The following VAV2 variants were observed in gnomAD, a reference collection of about 807,000 sequenced individuals.
VAV2 encodes vav guanine nucleotide exchange factor 2, also known as guanine nucleotide exchange factor VAV2.
Under a neutral mutation model 132.5 loss-of-function variants are expected in VAV2, and 67 were observed. The ratio of observed to expected loss-of-function variants is 0.51; its 90% CI spans 0.42 to 0.62. The LOEUF (loss-of-function observed/expected upper bound fraction) is 0.62, where lower values mean the gene tolerates loss of function less well. Ranked by LOEUF, VAV2 falls within the 20% of genes least tolerant of loss-of-function variation. VAV2 has a pLI of 0.00. For missense variants in VAV2, 938 were observed against 1,153.6 expected, an observed-to-expected ratio of 0.81 and a Z score of 2.71; for synonymous variants, 492 against 443.5, an observed-to-expected ratio of 1.11 and a Z score of -1.37.
chr9:133,871,520 G>C (rs953209287), intron 2 of VAV2, among the ~76,000 whole-genome samples: 1 of 151,838 alleles, frequency 6.6e-6, no homozygotes, highest in Non-Finnish European at 1.5e-5. Context: ...ATGGATGGTG[G>C]GTAGATGGAT....
At chr9:133,887,219 T>C (rs1465733753) in intron 2 of VAV2, among the ~76,000 whole-genome samples, 1 of 152,074 alleles carries the variant, frequency 6.6e-6, no homozygotes, top group Non-Finnish European at 1.5e-5. Flanking sequence ...GGACTCCCCA[T>C]GGAAACTAAT....
chr9:133,861,515 G>A lies in VAV2; in HGVS notation c.322-83C>T, dbSNP rs558512218. ...CAGAACTGGGGACGCTGCTTTGCAG[G>A]ACGTCGAGAACTGTTAACTGAGCAC... On this transcript the variant is annotated intron_variant, in intron 2 of 29. Transcript: ENST00000371850. 11 of 1,504,818 alleles carry A rather than the reference G, an allele frequency of 7.3e-6. No individual in the cohort carries two copies. In the African/African-American group the frequency reaches 1.5e-4, roughly 21 times the overall value. The allele number at this position is 1,504,818 out of a possible 1,614,324, so 93.2% of individuals were successfully genotyped here.
At chr9:133,897,559 C>T (rs1041010566) in intron 2 of VAV2, among the ~76,000 whole-genome samples, 1 of 152,164 alleles carries the variant, frequency 6.6e-6, no homozygotes, top group Non-Finnish European at 1.5e-5. Flanking sequence ...CTGAGCCCAG[C>T]TTCATCCATG....
At chr9:133,792,414 G>A (rs1834524033) in intron 12 of VAV2, among the ~76,000 whole-genome samples, 1 of 150,878 alleles carries the variant, frequency 6.6e-6, no homozygotes, top group Non-Finnish European at 1.5e-5. Context: ...ATGAGTGATT[G>A]TGTGAGAACA....
intron 1 of VAV2, among the ~76,000 whole-genome samples, chr9:133,972,964 G>C (rs2132263112): frequency 6.6e-6 from 1 of 152,302 alleles, no homozygotes; most frequent in African/African-American, 2.4e-5. Flanking sequence ...CCACTTTGAA[G>C]ATGCTAAGGG....
Position 133,788,583 on chromosome 9 carries a change from C to A in VAV2, c.1275-97G>T. The A allele has an allele frequency of 6.6e-7, 1 of 1,520,932 alleles. No homozygotes were observed. The highest frequency in any genetic ancestry group is 8.9e-7 in the Non-Finnish European group (1 of 1,123,870). The allele number at this position is 1,520,932 out of a possible 1,614,324, so 94.2% of individuals were successfully genotyped here. A position where few individuals can be genotyped will look rare whatever the true frequency, so the allele number is the denominator to read the frequency against. ...CTGAGCCTGAGGCTCTGGCACGCGGCTCCCTCTCCGGGCGAGCCCTGCCCT... is the reference window on the plus strand; with the variant it reads ...CTGAGCCTGAGGCTCTGGCACGCGGATCCCTCTCCGGGCGAGCCCTGCCCT... On this transcript the variant is annotated intron_variant, in intron 14 of 29. Coordinates refer to ENST00000371850, the MANE Select transcript of VAV2 (RefSeq NM_001134398.2). The surrounding 1 kb of genome is among the most constrained non-coding windows in gnomAD (Gnocchi z 5.3).
In VAV2 at chr9:133,991,091, C is replaced by A. The variant is rs897512486; in HGVS notation, c.204+984G>T. ...GTCCCACTGGTGAATGGTCCCTCTC[C>A]ACATGGAGTTGCCACTGCGCGCGGT... On this transcript the variant is annotated intron_variant, in intron 1 of 29. Coordinates refer to ENST00000371850, the MANE Select transcript of VAV2 (RefSeq NM_001134398.2). The surrounding 1 kb of genome is among the most constrained non-coding windows in gnomAD (Gnocchi z 4.8). 6.6e-6 allele frequency among the ~76,000 whole-genome samples: 1 copy of A among 152,200 alleles called. No homozygotes were observed. Among genetic ancestry groups the A allele is most frequent in the Non-Finnish European group, 1.5e-5 (1 of 68,028 alleles).
chr9:133,975,476 C>T (rs1375694977), intron 1 of VAV2, among the ~76,000 whole-genome samples: 1 of 152,238 alleles, frequency 6.6e-6, no homozygotes, highest in African/African-American at 2.4e-5. Flanking sequence ...CTGTCACTCA[C>T]ACAAACCCCT....
chr9:133,911,008 G>T (rs897062209), intron 2 of VAV2, among the ~76,000 whole-genome samples: 1 of 152,064 alleles, frequency 6.6e-6, no homozygotes, highest in Non-Finnish European at 1.5e-5. Context: ...TGAAGCTACA[G>T]CTGGGAGCGC....
chr9:133,924,333 T>C (rs909193829), intron 2 of VAV2, among the ~76,000 whole-genome samples: 2 of 152,092 alleles, frequency 1.3e-5, no homozygotes, highest in Admixed American at 6.6e-5. Context: ...ACTACAGTTA[T>C]GCACCACCAC....
At chr9:133,890,108 G>C (rs1838871555) in intron 2 of VAV2, among the ~76,000 whole-genome samples, 4 of 152,208 alleles carry the variant, frequency 2.6e-5, no homozygotes, top group African/African-American at 9.7e-5. Context: ...AGGTCCCCAG[G>C]CAGGAGTGGC....
chr9:133,783,283 G>A (rs1289800101), intron 19 of VAV2, among the ~76,000 whole-genome samples: 2 of 152,182 alleles, frequency 1.3e-5, no homozygotes, highest in Non-Finnish European at 2.9e-5. Context: ...CCCATTAGGA[G>A]AGAGGGCTTG....
In VAV2 at chr9:133,906,825, C is replaced by T. The variant is rs138136836; in HGVS notation, c.321+32278G>A. Among the ~76,000 whole-genome samples, 275 of 151,822 alleles carry T rather than the reference C, an allele frequency of 1.8e-3. 1 individual carries two copies. Among genetic ancestry groups the T allele is most frequent in the African/African-American group, 6.0e-3 (248 of 41,370 alleles). On this transcript the variant is annotated intron_variant, in intron 2 of 29. Coordinates refer to ENST00000371850, the MANE Select transcript of VAV2 (RefSeq NM_001134398.2). ...CTGGGTCCTCAGCCCTCCCTTCTGACGTGCGGAGACCCATGGCTCTACACC... is the reference window on the plus strand; with the variant it reads ...CTGGGTCCTCAGCCCTCCCTTCTGATGTGCGGAGACCCATGGCTCTACACC...
chr9:133,965,919 T>C (rs1842126702), intron 1 of VAV2, among the ~76,000 whole-genome samples: 1 of 152,198 alleles, frequency 6.6e-6, no homozygotes, highest in Admixed American at 6.5e-5. Flanking sequence ...AGCATGATAC[T>C]GGCATAAAAA....
At chr9:133,770,871 A>T (rs1214849299) in intron 26 of VAV2, among the ~76,000 whole-genome samples, 1 of 152,134 alleles carries the variant, frequency 6.6e-6, no homozygotes, top group Non-Finnish European at 1.5e-5. Flanking sequence ...CCAGGGGAAG[A>T]TTCATTAATG....
intron 1 of VAV2, among the ~76,000 whole-genome samples, chr9:133,952,464 A>G (rs1052252240): frequency 6.6e-6 from 1 of 152,050 alleles, no homozygotes; most frequent in Admixed American, 6.6e-5. Flanking sequence ...TTAGCCAGGC[A>G]TGGTGGCACG....
At chr9:133,960,480 C>T (rs1218259399) in intron 1 of VAV2, among the ~76,000 whole-genome samples, 1 of 152,238 alleles carries the variant, frequency 6.6e-6, no homozygotes, top group East Asian at 1.9e-4. Context: ...CTCCCACATG[C>T]ATGGGAGGAG....
intron 1 of VAV2, among the ~76,000 whole-genome samples, chr9:133,948,281 C>T (rs1588155735): frequency 1.3e-5 from 2 of 152,224 alleles, no homozygotes; most frequent in African/African-American, 4.8e-5. Context: ...CAGCTCCGCA[C>T]GCACCAGGAC....
intron 13 of VAV2, 66 bp downstream of exon 13, chr9:133,791,717 G>T: frequency 7.0e-7 from 1 of 1,420,326 alleles, no homozygotes; most frequent in Non-Finnish European, 1.0e-6. Context: ...TACTGGGGCT[G>T]TGAACGTGAC....
Sources: gnomAD v4.1 joint callset for allele counts (sites outside exome capture counted in the v4.1 genomes callset) on GRCh38, gnomAD v4.1.1 for gene constraint, Gnocchi (gnomAD v3.1) non-coding constraint, MANE v1.5 for transcripts, NCBI Gene and HGNC (gene_info 2026-07-23, HGNC 2026-07-21) for gene names.